FHAD1: variants seen among roughly 807,000 people sequenced by gnomAD.
The protein encoded by FHAD1 is forkhead-associated domain-containing protein 1.
FHAD1 carries 146 observed loss-of-function variants against 191.3 expected under a neutral mutation model. The observed-to-expected ratio is 0.76, with a 90% CI of 0.67 to 0.88. FHAD1 has a LOEUF of 0.88. Ranked by LOEUF, FHAD1 falls within the 40% of genes least tolerant of loss-of-function variation. The pLI, the probability that FHAD1 is intolerant of heterozygous loss-of-function variation, is 0.00. For missense variants in FHAD1, 1,635 were observed against 1,785.8 expected (o/e 0.92, Z 1.52); for synonymous variants, 616 against 672.3 (o/e 0.92, Z 1.29).
Position 15,388,063 on chromosome 1 carries a change from G to C in FHAD1, c.4201G>C (p.Glu1401Gln). The C allele has an allele frequency of 7.8e-7, 1 of 1,289,634 alleles. No homozygotes were observed. Among genetic ancestry groups the C allele is most frequent in the South Asian group, 1.2e-5 (1 of 81,022 alleles). 79.9% of individuals were successfully genotyped at this position (1,289,634 alleles called of 1,614,324 possible). A position where few individuals can be genotyped will look rare whatever the true frequency, so the allele number is the denominator to read the frequency against. Residue 1401 changes from glutamate (E) to glutamine (Q), a missense_variant, in exon 32 of 34, where the codon GAG (glutamate) becomes CAG (glutamine). Glu to Gln is a conservative substitution (Grantham distance 29, BLOSUM62 2). Transcript: ENST00000688493. ...AIRQQKESVE[E>Q]HELRNAKEST... Reference sequence around the variant, plus strand: ...ACTTTTCACTCAGGAAAGTGTAGAGGAGCACGAACTGAGAAACGCAAAAGA... The same window carrying C: ...ACTTTTCACTCAGGAAAGTGTAGAGCAGCACGAACTGAGAAACGCAAAAGA...
At chr1:15,386,439 G>A (rs1011500812) in intron 31 of FHAD1, among the ~76,000 whole-genome samples, 1 of 152,248 alleles carries the variant, frequency 6.6e-6, no homozygotes, top group Non-Finnish European at 1.5e-5. Context: ...GACACTTTTC[G>A]TGAATGGGCT....
intron 3 of FHAD1, among the ~76,000 whole-genome samples, chr1:15,278,030 G>A (rs1659082843): frequency 1.3e-5 from 2 of 152,172 alleles, no homozygotes; most frequent in South Asian, 2.1e-4. Flanking sequence ...GGCAGAGGAG[G>A]TAGATTAACC....
At chr1:15,391,407 A>T in intron 33 of FHAD1, 144 bp downstream of exon 33, 4 of 386,244 alleles carry the variant, frequency 1.0e-5, no homozygotes, top group South Asian at 9.4e-5. Context: ...GTTAGCCAGG[A>T]TAGTCTCGAT....
chr1:15,379,027 G>T (rs1277520208), intron 28 of FHAD1, among the ~76,000 whole-genome samples: 1 of 152,130 alleles, frequency 6.6e-6, no homozygotes, highest in Non-Finnish European at 1.5e-5. Context: ...GTGAAGGGGT[G>T]GGTTGCCCTC....
chr1:15,351,306 C>CT (rs1256551385), intron 19 of FHAD1, among the ~76,000 whole-genome samples: 1 of 152,082 alleles, frequency 6.6e-6, no homozygotes, highest in East Asian at 1.9e-4. Context: ...GAGCACGCCA[C>CT]TGTACTCCAG....
At chr1:15,344,957 C>T (rs1423832407) in intron 16 of FHAD1, 126 bp from the exon 17 acceptor site, 1 of 711,692 alleles carries the variant, frequency 1.4e-6, no homozygotes, top group African/African-American at 1.8e-5. Flanking sequence ...CTCCTAGGCT[C>T]TGCTGCCCAC....
intron 15 of FHAD1, among the ~76,000 whole-genome samples, chr1:15,340,372 C>T (rs1174869605): frequency 6.6e-6 from 1 of 152,224 alleles, no homozygotes; most frequent in East Asian, 1.9e-4. Context: ...CAAGGCGGCT[C>T]TGCTGACCTT....
At chr1:15,304,411 CCCACAG>C (rs770303222) in intron 6 of FHAD1, among the ~76,000 whole-genome samples, 11 of 152,162 alleles carry the variant, frequency 7.2e-5, no homozygotes, top group Non-Finnish European at 1.3e-4. Context: ...TTGGAGTTTT[CCCACAG>C]TCTGATATCC....
chr1:15,334,819 T>C (rs1418151263), intron 14 of FHAD1: 1 of 152,224 alleles, frequency 6.6e-6, no homozygotes, highest in Non-Finnish European at 1.5e-5. Context: ...CTGTCTCCAT[T>C]TAGCAGCAAA....
intron 20 of FHAD1, among the ~76,000 whole-genome samples, chr1:15,356,697 C>G (rs1478880433): frequency 6.6e-6 from 1 of 152,078 alleles, no homozygotes; most frequent in Non-Finnish European, 1.5e-5. Context: ...CATGGCAAAA[C>G]CGCATCTCTG....
intron 23 of FHAD1, 49 bp downstream of exon 23, chr1:15,362,775 C>T: frequency 1.4e-6 from 2 of 1,468,506 alleles, no homozygotes; most frequent in South Asian, 2.4e-5. Context: ...CCGGCACCAC[C>T]TGGGTGGGGG....
chr1:15,358,892 T>G (rs1693722849), intron 21 of FHAD1, among the ~76,000 whole-genome samples: 1 of 152,082 alleles, frequency 6.6e-6, no homozygotes, highest in South Asian at 2.1e-4. Context: ...AGAGAACAGC[T>G]CTGGGTGTGG....
At chr1:15,272,617 A>C in intron 3 of FHAD1, 88 bp downstream of exon 3, 1 of 1,195,796 alleles carries the variant, frequency 8.4e-7, no homozygotes, top group South Asian at 1.5e-5. Context: ...GCGCTTATCC[A>C]CATTGGTGCC....
At chr1:15,330,831 G>A (rs551612787) in intron 14 of FHAD1, among the ~76,000 whole-genome samples, 22 of 152,272 alleles carry the variant, frequency 1.4e-4, no homozygotes, top group African/African-American at 5.3e-4. Flanking sequence ...GCCTGTGAAA[G>A]GCCTTAAGTA....
At chr1:15,315,441 A>C (rs913425770) in intron 8 of FHAD1, among the ~76,000 whole-genome samples, 2 of 151,336 alleles carry the variant, frequency 1.3e-5, no homozygotes, top group African/African-American at 2.4e-5. Flanking sequence ...TTGTCTGTGC[A>C]CAATGGAATC....
chr1:15,240,307 C>T (rs4644485), intron 1 of FHAD1, among the ~76,000 whole-genome samples: 129,179 of 152,112 alleles, frequency 0.85, 55,206 homozygotes, highest in East Asian at 0.95. Context: ...CTCAAAAAAA[C>T]GAATCTTACC....
chr1:15,391,216 G>A lies in FHAD1; in HGVS notation c.4276G>A (p.Val1426Ile), dbSNP rs1448410657. 1.6e-6 allele frequency: 2 copies of A among 1,287,308 alleles called. No homozygotes were observed. Among genetic ancestry groups the A allele is most frequent in the Non-Finnish European group, 1.0e-6 (1 of 987,126 alleles). 79.7% of individuals were successfully genotyped at this position (1,287,308 alleles called of 1,614,324 possible). Residue 1426 changes from valine (V) to isoleucine (I), a missense_variant, in exon 33 of 34, where the codon GTA (valine) becomes ATA (isoleucine). Physicochemically the swap from Val to Ile is conservative, Grantham distance 29 (BLOSUM62 3). Coordinates refer to ENST00000688493, the MANE Select transcript of FHAD1 (RefSeq NM_001391957.1). ...TATTCTTTCTGTATTGAAGAGACGA[G>A]TATTTGTAGAGATGGTGAAGAACAG... is the stretch of plus-strand genomic sequence containing the variant. ...AFKEKDRQRR[V>I]FVEMVKNRMQ...
chr1:15,305,339 A>G (rs1670117780), intron 6 of FHAD1, among the ~76,000 whole-genome samples: 1 of 152,140 alleles, frequency 6.6e-6, no homozygotes, highest in Admixed American at 6.5e-5. Context: ...CGGATTTTGC[A>G]GATGGCAGTC....
chr1:15,267,888 TATG>T (rs1248047730), intron 2 of FHAD1, among the ~76,000 whole-genome samples: 2 of 147,798 alleles, frequency 1.4e-5, no homozygotes, highest in Admixed American at 6.8e-5. Flanking sequence ...AATATATTGA[TATG>T]ATATAAAAAT....
Sources: gnomAD v4.1 joint callset for allele counts (sites outside exome capture counted in the v4.1 genomes callset) on GRCh38, gnomAD v4.1.1 for gene constraint, MANE v1.5 for transcripts, NCBI Gene and HGNC (gene_info 2026-07-23, HGNC 2026-07-21) for gene names.